Variants in SNRPN observed in about 807,000 individuals in gnomAD.
The protein encoded by SNRPN is small nuclear ribonucleoprotein polypeptide N, also known as small nuclear ribonucleoprotein-associated protein N.
SNRPN carries 7 observed loss-of-function variants against 25.2 expected under a neutral mutation model. That is an observed-to-expected ratio of 0.28 (90% CI 0.16 to 0.52). The LOEUF (loss-of-function observed/expected upper bound fraction) is 0.52. Among genes scored for constraint, SNRPN ranks in the 20% least tolerant of loss-of-function variants. SNRPN has a pLI of 0.96. For missense variants in SNRPN, 196 were observed against 322.5 expected (o/e 0.61, Z 3.00); for synonymous variants, 124 against 110.6 (o/e 1.12, Z -0.76).
intron 1 of SNRPN, among the ~76,000 whole-genome samples, chr15:24,827,820 C>T (rs2141161397): frequency 6.7e-6 from 1 of 149,948 alleles, no homozygotes; most frequent in East Asian, 2.0e-4. Flanking sequence ...TGAGCCAAGA[C>T]TGCACCACTG....
At chr15:24,837,200 C>T (rs78852033) in intron 2 of SNRPN, among the ~76,000 whole-genome samples, 8 of 151,710 alleles carry the variant, frequency 5.3e-5, no homozygotes, top group Non-Finnish European at 7.4e-5. Context: ...GTAACTCTGG[C>T]GAAAAGAATG....
Position 24,873,155 on chromosome 15 carries a change from T to C in SNRPN, c.-578-13361T>C, listed in dbSNP as rs573472072. Among the ~76,000 whole-genome samples the C allele has an allele frequency of 6.2e-4, 67 of 108,394 alleles. 11 individuals are homozygous for C. The highest frequency in any genetic ancestry group is 2.3e-3 in the African/African-American group (67 of 28,708). 71.1% of individuals were successfully genotyped at this position (108,394 alleles called of 152,430 possible). On this transcript the variant is annotated intron_variant, in intron 1 of 11. Coordinates refer to the SNRPN transcript ENST00000400097. ...ATTTTAGAATCAGCTTACCAATTAC[T>C]CCCGCCTTGCCCGCAAAAAAAAAGC...
chr15:24,927,932 C>T (rs1039106735), intron 3 of SNRPN, among the ~76,000 whole-genome samples: 10 of 152,080 alleles, frequency 6.6e-5, no homozygotes, highest in Admixed American at 1.3e-4. Flanking sequence ...TGGCACAACA[C>T]GGTGTTTACT....
intron 1 of SNRPN, among the ~76,000 whole-genome samples, chr15:24,878,930 G>A (rs2056303049): frequency 1.3e-5 from 2 of 151,366 alleles, no homozygotes; most frequent in African/African-American, 4.9e-5. Flanking sequence ...GAGGCTTCAG[G>A]GTCACACTTT....
chr15:24,877,075 A>G (rs1448589849), intron 1 of SNRPN, among the ~76,000 whole-genome samples: 1 of 152,210 alleles, frequency 6.6e-6, no homozygotes, highest in African/African-American at 2.4e-5. Flanking sequence ...AGAAAAAAAT[A>G]TATGGGGTTT....
At position 24,870,356 on chromosome 15, in the gene SNRPN, A is replaced by G. The variant is rs148606061; in HGVS notation, c.-579+13640A>G. Among the ~76,000 whole-genome samples, 56 of 152,320 alleles carry G rather than the reference A, an allele frequency of 3.7e-4. No individual in the cohort carries two copies. In the East Asian group the frequency reaches 0.01, roughly 28 times the overall value. ...GAAACGTACCTGTGTATACTAACCCACACATATACACATATGTGTAAATAT... is the reference window on the plus strand; with the variant it reads ...GAAACGTACCTGTGTATACTAACCCGCACATATACACATATGTGTAAATAT... On this transcript the variant is annotated intron_variant, in intron 1 of 11. Transcript: ENST00000400097.
chr15:24,962,261 T>G, intron 2 of SNRPN, 52 bp downstream of exon 2: 1 of 1,446,520 alleles, frequency 6.9e-7, no homozygotes, highest in East Asian at 2.3e-5. Context: ...TCCTTTCAGA[T>G]TAGAACAAAA....
chr15:24,918,624 G>A (rs184066674), intron 2 of SNRPN, among the ~76,000 whole-genome samples: 3,223 of 61,318 alleles, frequency 0.053, 388 homozygotes, highest in South Asian at 0.21. Flanking sequence ...ATATATGTGT[G>A]TATATATAAC....
intron 2 of SNRPN, chr15:24,909,343 A>G (rs149915056): frequency 0.031 from 49,262 of 1,602,154 alleles, 852 homozygotes; most frequent in Non-Finnish European, 0.035. Flanking sequence ...TCAGGGCACC[A>G]AAAACTTTAT....
rs558879601 is a variant in SNRPN, at chr15:24,972,620, A to G, written c.-143-1691A>G. 3.0e-4 allele frequency among the ~76,000 whole-genome samples: 45 copies of G among 150,224 alleles called. 1 individual carries two copies. Among genetic ancestry groups the G allele is most frequent in the Admixed American group, 2.3e-3 (34 of 15,060 alleles). ...GTGCAATGGTGCGATCTCCGCTCAA[A>G]AAGATACTTTTGAATCCTTTTCAAA... On this transcript the variant is annotated intron_variant, in intron 3 of 9. Transcript: ENST00000390687.
rs373204701 is a variant in SNRPN, at chr15:24,905,453, G to C, written c.-504-14558G>C. On this transcript the variant is annotated intron_variant, in intron 2 of 11. Coordinates refer to the SNRPN transcript ENST00000400097. Reference sequence around the variant, plus strand: ...GAACCCGGGAGGCGGAGGTGGCAGTGAGCCGAGATCAAGCCACTGCACTCG... The same window carrying C: ...GAACCCGGGAGGCGGAGGTGGCAGTCAGCCGAGATCAAGCCACTGCACTCG... Among the ~76,000 whole-genome samples, 19 of 148,388 alleles carry C rather than the reference G, an allele frequency of 1.3e-4. 1 individual carries two copies. In the South Asian group the frequency reaches 3.0e-3, roughly 24 times the overall value.
intron 2 of SNRPN, among the ~76,000 whole-genome samples, chr15:24,890,333 G>C (rs2057569908): frequency 6.6e-6 from 1 of 152,112 alleles, no homozygotes; most frequent in Non-Finnish European, 1.5e-5. Flanking sequence ...ATTACTATTA[G>C]ATGATACCCT....
intron 3 of SNRPN, among the ~76,000 whole-genome samples, chr15:24,943,433 G>A (rs1294197158): frequency 6.6e-6 from 1 of 152,106 alleles, no homozygotes; most frequent in Non-Finnish European, 1.5e-5. Flanking sequence ...AGGTGCAGCT[G>A]GGATAGAGAA....
upstream of SNRPN, among the ~76,000 whole-genome samples, chr15:24,952,771 A>G (rs867823149): frequency 6.6e-6 from 1 of 152,346 alleles, no homozygotes; most frequent in Non-Finnish European, 1.5e-5. Flanking sequence ...AAAGTAATTC[A>G]TAATCACTGC....
At chr15:24,924,416 C>A (rs540560570) in intron 3 of SNRPN, among the ~76,000 whole-genome samples, 1 of 151,728 alleles carries the variant, frequency 6.6e-6, no homozygotes, top group South Asian at 2.1e-4. Flanking sequence ...AGCCAATCTT[C>A]CCTGGTTAGT....
intron 2 of SNRPN, among the ~76,000 whole-genome samples, chr15:24,841,634 A>G (rs1427772357): frequency 6.6e-6 from 1 of 152,140 alleles, no homozygotes; most frequent in Admixed American, 6.6e-5. Flanking sequence ...CCTTGGCCCC[A>G]TTCTTAACTG....
intron 2 of SNRPN, among the ~76,000 whole-genome samples, chr15:24,915,030 G>C (rs1330011895): frequency 6.6e-6 from 1 of 152,120 alleles, no homozygotes; most frequent in Non-Finnish European, 1.5e-5. Context: ...AGATGGGCCA[G>C]AGTGGTCATG....
At chr15:24,906,779 A>T (rs1223825642) in intron 2 of SNRPN, among the ~76,000 whole-genome samples, 1 of 152,194 alleles carries the variant, frequency 6.6e-6, no homozygotes, top group African/African-American at 2.4e-5. Flanking sequence ...GGAGGCTATT[A>T]ACGAAATTTT....
At chr15:24,959,913 T>C (rs998119411) in intron 1 of SNRPN, among the ~76,000 whole-genome samples, 9 of 152,206 alleles carry the variant, frequency 5.9e-5, no homozygotes, top group Admixed American at 1.3e-4. Context: ...TCTTGAAATT[T>C]TGTCTTTTTG....
Sources: allele counts gnomAD v4.1 joint callset (sites outside exome capture counted in the v4.1 genomes callset), GRCh38; gene constraint gnomAD v4.1.1; transcripts MANE v1.5; gene names NCBI Gene and HGNC (gene_info 2026-07-23, HGNC 2026-07-21).